Variants in ALKBH3 observed in about 807,000 individuals in gnomAD.
ALKBH3 encodes the protein alkB homolog 3, alpha-ketoglutarate dependent dioxygenase, also known as alpha-ketoglutarate-dependent dioxygenase alkB homolog 3.
In ALKBH3, 51 loss-of-function variants were observed where a neutral mutation model predicts 43.9. The ratio of observed to expected loss-of-function variants is 1.16; its 90% CI spans 0.93 to 1.47. The LOEUF is 1.47. ALKBH3 is among the 40% of genes most tolerant of loss of function. The probability of loss-of-function intolerance (pLI) is 0.00; values close to 1 mark genes in which losing one functional copy is unlikely to be tolerated. For missense variants in ALKBH3, 361 were observed against 351.9 expected (o/e 1.03, Z -0.21); for synonymous variants, 102 against 115.2 (o/e 0.89, Z 0.73).
At chr11:43,897,989 C>T (rs146850479) in intron 7 of ALKBH3, 105 of 806,828 alleles carry the variant, frequency 1.3e-4, no homozygotes, top group Non-Finnish European at 1.2e-4. Context: ...CCTTCCATCA[C>T]GCCCTCTTCA....
Position 43,919,043 on chromosome 11 carries a change from G to T in ALKBH3, c.675G>T (p.Glu225Asp). ...CAACAAATGCTGTTTTCTAGGAAGA[G>T]AATGGAGACTACACATATGTGGAAA... ...FEMRKKPPPE[E>D]NGDYTYVERV... Residue 225 changes from glutamate (E) to aspartate (D), a missense_variant, in exon 9 of 10, where the codon GAG (glutamate) becomes GAT (aspartate). Coordinates refer to ENST00000302708, the MANE Select transcript of ALKBH3 (RefSeq NM_139178.4). The T allele has an allele frequency of 6.2e-7, 1 of 1,603,342 alleles. No homozygotes were observed. The highest frequency in any genetic ancestry group is 8.5e-7 in the Non-Finnish European group (1 of 1,170,336).
At chr11:43,893,883 T>A (rs913630411) in intron 7 of ALKBH3, among the ~76,000 whole-genome samples, 64 of 152,354 alleles carry the variant, frequency 4.2e-4, no homozygotes, top group African/African-American at 1.5e-3. Flanking sequence ...TTTTTATTTA[T>A]GTTCATTTTA....
At chr11:43,918,195 G>A (rs771808818) in intron 8 of ALKBH3, among the ~76,000 whole-genome samples, 1 of 152,198 alleles carries the variant, frequency 6.6e-6, no homozygotes, top group Non-Finnish European at 1.5e-5. Context: ...GTTGCTGTGA[G>A]CACAGAAGTT....
chr11:43,895,774 A>G (rs769187758), intron 7 of ALKBH3, among the ~76,000 whole-genome samples: 9 of 152,240 alleles, frequency 5.9e-5, no homozygotes, highest in Non-Finnish European at 1.2e-4. Context: ...GAATCAAGCC[A>G]TTGTCACCAA....
intron 8 of ALKBH3, among the ~76,000 whole-genome samples, chr11:43,913,454 A>C (rs1417957002): frequency 2.0e-5 from 3 of 152,214 alleles, no homozygotes; most frequent in Non-Finnish European, 4.4e-5. Flanking sequence ...ATTACTATCA[A>C]ATAATAAATT....
chr11:43,902,528 T>C (rs1315888897), intron 8 of ALKBH3, among the ~76,000 whole-genome samples: 1 of 152,220 alleles, frequency 6.6e-6, no homozygotes, highest in East Asian at 1.9e-4. Flanking sequence ...CCAGCATTCC[T>C]GATCATTCAG....
chr11:43,882,781 T>C (rs1565121659), intron 2 of ALKBH3, 50 bp downstream of exon 2: 1 of 1,525,270 alleles, frequency 6.6e-7, no homozygotes, highest in Non-Finnish European at 8.9e-7. Flanking sequence ...ACAACTCTCA[T>C]TCTCTTTTAT....
intron 1 of ALKBH3, among the ~76,000 whole-genome samples, chr11:43,881,664 G>C (rs1008986937): frequency 4.6e-5 from 7 of 152,192 alleles, no homozygotes; most frequent in African/African-American, 1.7e-4. Context: ...TAAACACACA[G>C]ATTCCTGGGC....
At chr11:43,886,557 C>G in intron 4 of ALKBH3, 49 bp from the exon 5 acceptor site, 1 of 1,578,550 alleles carries the variant, frequency 6.3e-7, no homozygotes, top group Non-Finnish European at 8.7e-7. Flanking sequence ...CTGGGTATAG[C>G]ATATTGTTTT....
intron 8 of ALKBH3, among the ~76,000 whole-genome samples, chr11:43,906,584 C>G (rs571624256): frequency 3.9e-4 from 60 of 152,280 alleles, no homozygotes; most frequent in African/African-American, 1.4e-3. Context: ...CATGGTGGCT[C>G]TCACCTGCAA....
At chr11:43,900,495 T>G (rs560648558) in intron 7 of ALKBH3, among the ~76,000 whole-genome samples, 1 of 152,296 alleles carries the variant, frequency 6.6e-6, no homozygotes, top group African/African-American at 2.4e-5. Flanking sequence ...GTACTGGGAT[T>G]ACAGGTGTGA....
intron 8 of ALKBH3, 158 bp from the exon 9 acceptor site, chr11:43,918,880 C>G (rs1952004047): frequency 1.6e-6 from 1 of 606,846 alleles, no homozygotes; most frequent in Admixed American, 3.0e-5. Flanking sequence ...GATGAGGTAA[C>G]TTGCCAACAG....
intron 7 of ALKBH3, among the ~76,000 whole-genome samples, chr11:43,896,803 AT>A (rs1323488479): frequency 6.6e-6 from 1 of 152,228 alleles, no homozygotes; most frequent in Non-Finnish European, 1.5e-5. Context: ...ATGTGTCAGC[AT>A]TTAGAAGATC....
At chr11:43,881,344 G>A (rs3740984) in intron 1 of ALKBH3, 165 bp downstream of exon 1, 7,524 of 152,340 alleles carry the variant, frequency 0.049, 449 homozygotes, top group Admixed American at 0.2. Context: ...CAAATTCTGG[G>A]ACTCTACAAA....
chr11:43,882,886 T>G, intron 2 of ALKBH3, 155 bp downstream of exon 2: 8 of 952,764 alleles, frequency 8.4e-6, no homozygotes, highest in South Asian at 1.8e-5. Context: ...TTGTTGATGG[T>G]GAGCTAAGGG....
intron 8 of ALKBH3, among the ~76,000 whole-genome samples, chr11:43,903,870 C>T (rs1951879232): frequency 1.3e-5 from 2 of 152,114 alleles, no homozygotes; most frequent in East Asian, 3.8e-4. Context: ...TATTCTGGTG[C>T]CCAGAAATAC....
At chr11:43,884,498 C>T (rs1332691009) in intron 4 of ALKBH3, among the ~76,000 whole-genome samples, 1 of 150,514 alleles carries the variant, frequency 6.6e-6, no homozygotes, top group Non-Finnish European at 1.5e-5. Context: ...AGTAAACATT[C>T]TTCTTATATT....
intron 8 of ALKBH3, among the ~76,000 whole-genome samples, chr11:43,902,739 G>A (rs1169878211): frequency 1.3e-5 from 2 of 152,236 alleles, no homozygotes; most frequent in African/African-American, 4.8e-5. Context: ...TGGGATTACA[G>A]GCGTGTGCCA....
intron 4 of ALKBH3, 125 bp from the exon 5 acceptor site, chr11:43,886,481 C>T (rs942211265): frequency 2.5e-6 from 2 of 789,596 alleles, no homozygotes; most frequent in Non-Finnish European, 4.2e-6. Flanking sequence ...GGGGATTATG[C>T]CTCTCTCATA....
Sources: allele counts gnomAD v4.1 joint callset (sites outside exome capture counted in the v4.1 genomes callset), GRCh38; gene constraint gnomAD v4.1.1; transcripts MANE v1.5; gene names NCBI Gene and HGNC (gene_info 2026-07-23, HGNC 2026-07-21).